Variants in PAG1 observed in about 807,000 individuals in gnomAD.
PAG1 encodes phosphoprotein associated with glycosphingolipid-enriched microdomains 1.
Under a neutral mutation model 31.7 loss-of-function variants are expected in PAG1, and 23 were observed. The ratio of observed to expected loss-of-function variants is 0.73; its 90% CI spans 0.52 to 1.03. The LOEUF (loss-of-function observed/expected upper bound fraction) is 1.03, where lower values mean the gene tolerates loss of function less well. Among genes scored for constraint, PAG1 ranks in the 50% least tolerant of loss-of-function variants. The probability of loss-of-function intolerance (pLI) is 0.00; values close to 1 mark genes in which losing one functional copy is unlikely to be tolerated. For missense variants in PAG1, 473 were observed against 540.7 expected (o/e 0.87, Z 1.24); for synonymous variants, 214 against 210.3 (o/e 1.02, Z -0.15).
At chr8:81,085,972 G>GTGTTTTTTTTT (rs1809345255) in intron 1 of PAG1, among the ~76,000 whole-genome samples, 25 of 58,902 alleles carry the variant, frequency 4.2e-4, no homozygotes, top group African/African-American at 1.8e-3. Flanking sequence ...AATCTGGCTT[G>GTGTTTTTTTTT]TTTTTTTTTT....
intron 3 of PAG1, among the ~76,000 whole-genome samples, chr8:81,008,509 CA>C (rs1380784642): frequency 6.7e-6 from 1 of 149,238 alleles, no homozygotes; most frequent in African/African-American, 2.4e-5. Context: ...AATACTCTCC[CA>C]AAGTATAATA....
chr8:81,054,078 A>AT (rs563294264), intron 2 of PAG1, among the ~76,000 whole-genome samples: 71 of 152,258 alleles, frequency 4.7e-4, no homozygotes, highest in African/African-American at 1.6e-3. Context: ...CTTGCAGGTC[A>AT]TAGTTTGCCA....
chr8:81,000,152 A>G (rs771042832), intron 3 of PAG1, among the ~76,000 whole-genome samples: 1 of 152,192 alleles, frequency 6.6e-6, no homozygotes, highest in Non-Finnish European at 1.5e-5. Flanking sequence ...ATGTTGGCTC[A>G]TCCAATCTAA....
chr8:81,008,249 C>G (rs979764025), intron 3 of PAG1, among the ~76,000 whole-genome samples: 3 of 152,140 alleles, frequency 2.0e-5, no homozygotes, highest in Non-Finnish European at 4.4e-5. Flanking sequence ...TCTCCAAACT[C>G]TTCAAAATTC....
intron 2 of PAG1, among the ~76,000 whole-genome samples, chr8:81,046,147 C>A (rs1469613319): frequency 6.6e-6 from 1 of 152,184 alleles, no homozygotes; most frequent in African/African-American, 2.4e-5. Flanking sequence ...AGAAGAGAAT[C>A]CTAAAAACTT....
intron 2 of PAG1, among the ~76,000 whole-genome samples, chr8:81,065,680 A>G (rs927268318): frequency 7.2e-6 from 1 of 138,784 alleles, no homozygotes; most frequent in Non-Finnish European, 1.5e-5. Flanking sequence ...GAAAAAAATC[A>G]GTTAATGTTG....
chr8:81,055,985 CA>C (rs1808815945), intron 2 of PAG1, among the ~76,000 whole-genome samples: 1 of 152,150 alleles, frequency 6.6e-6, no homozygotes, highest in Admixed American at 6.5e-5. Context: ...CCAGAACTTC[CA>C]ACACTATGTT....
intron 1 of PAG1, among the ~76,000 whole-genome samples, chr8:81,098,640 G>C (rs1430301686): frequency 6.6e-6 from 1 of 152,122 alleles, no homozygotes; most frequent in Non-Finnish European, 1.5e-5. Context: ...GGGCCCCGGG[G>C]CTGGTGCAGA....
intron 7 of PAG1, 87 bp downstream of exon 7, chr8:80,984,689 G>T: frequency 7.9e-7 from 1 of 1,257,930 alleles, no homozygotes; most frequent in Non-Finnish European, 1.1e-6. Context: ...AGTGTTTGCA[G>T]ATATTTCCCA....
At chr8:81,052,152 A>G (rs115122888) in intron 2 of PAG1, among the ~76,000 whole-genome samples, 126 of 152,154 alleles carry the variant, frequency 8.3e-4, no homozygotes, top group African/African-American at 2.9e-3. Flanking sequence ...AAAAGACTAT[A>G]AACTATTAAA....
chr8:81,071,904 C>A (rs1317883766), intron 1 of PAG1, among the ~76,000 whole-genome samples: 1 of 152,192 alleles, frequency 6.6e-6, no homozygotes, highest in Non-Finnish European at 1.5e-5. Flanking sequence ...GTGACAATTT[C>A]CCCATCACAG....
chr8:81,082,368 T>A (rs1809284377), intron 1 of PAG1, among the ~76,000 whole-genome samples: 1 of 152,114 alleles, frequency 6.6e-6, no homozygotes, highest in South Asian at 2.1e-4. Flanking sequence ...ATTCCCTAGT[T>A]CTGGGAATCA....
At chr8:81,051,932 C>T (rs189953885) in intron 2 of PAG1, among the ~76,000 whole-genome samples, 4 of 152,060 alleles carry the variant, frequency 2.6e-5, no homozygotes, top group South Asian at 4.2e-4. Flanking sequence ...AGATCGAGAC[C>T]GTCCTGGCTA....
intron 1 of PAG1, among the ~76,000 whole-genome samples, chr8:81,079,084 G>C (rs746758854): frequency 1.1e-4 from 17 of 152,188 alleles, no homozygotes; most frequent in Non-Finnish European, 2.4e-4. Flanking sequence ...TCCCCTTCCA[G>C]TAACAATAAC....
chr8:81,014,714 C>T (rs1808043293), intron 3 of PAG1, among the ~76,000 whole-genome samples: 1 of 152,004 alleles, frequency 6.6e-6, no homozygotes, highest in Admixed American at 6.6e-5. Context: ...CAGAAGCTTC[C>T]CCTGTCACTC....
At chr8:81,086,525 G>A (rs2131041540) in intron 1 of PAG1, among the ~76,000 whole-genome samples, 1 of 152,056 alleles carries the variant, frequency 6.6e-6, no homozygotes, top group Non-Finnish European at 1.5e-5. Flanking sequence ...GTGTGTGTGT[G>A]TGCATAAAAG....
intron 1 of PAG1, among the ~76,000 whole-genome samples, chr8:81,088,666 A>T (rs956020136): frequency 1.3e-5 from 2 of 152,226 alleles, no homozygotes; most frequent in Middle Eastern, 3.2e-3. Context: ...TGCCTTGCCT[A>T]TTTAATACTA....
At chr8:81,105,608 T>C (rs1470352002) in intron 1 of PAG1, among the ~76,000 whole-genome samples, 1 of 152,238 alleles carries the variant, frequency 6.6e-6, no homozygotes, top group Admixed American at 6.5e-5. Flanking sequence ...TATGTGTTTT[T>C]TCCTTTGACT....
At position 81,072,947 on chromosome 8, in the gene PAG1, T is replaced by C. The variant is rs374860471; in HGVS notation, c.-233-2777A>G. Among the ~76,000 whole-genome samples, 4 of 152,212 alleles carry C rather than the reference T, an allele frequency of 2.6e-5. No homozygotes were observed. The East Asian group carries it at 7.7e-4, about 29-fold the overall frequency. On this transcript the variant is annotated intron_variant, in intron 1 of 8. Coordinates refer to ENST00000220597, the MANE Select transcript of PAG1 (RefSeq NM_018440.4). The stretch of plus-strand genomic sequence containing the variant: ...AAAACCTTGAGAGACAATGATTTAG[T>C]GCATGCTGACAATGTTATTAAAAGC...
Sources: allele counts gnomAD v4.1 joint callset (sites outside exome capture counted in the v4.1 genomes callset), GRCh38; gene constraint gnomAD v4.1.1; transcripts MANE v1.5; gene names NCBI Gene and HGNC (gene_info 2026-07-23, HGNC 2026-07-21).